The following GPC5 variants were observed in gnomAD, a reference collection of about 807,000 sequenced individuals.
The protein encoded by GPC5 is glypican 5.
Under a neutral mutation model 53.9 loss-of-function variants are expected in GPC5, and 47 were observed. The observed-to-expected ratio is 0.87, with a 90% CI of 0.69 to 1.11. The LOEUF (loss-of-function observed/expected upper bound fraction) is 1.11. GPC5 is among the 50% of genes most tolerant of loss of function. The pLI, the probability that GPC5 is intolerant of heterozygous loss-of-function variation, is 0.00. For missense variants in GPC5, 748 were observed against 713.1 expected (o/e 1.05, Z -0.56); for synonymous variants, 286 against 263.3 (o/e 1.09, Z -0.84).
At chr13:92,317,470 TTTTTTTG>T (rs59169565) in intron 7 of GPC5, among the ~76,000 whole-genome samples, 16 of 151,866 alleles carry the variant, frequency 1.1e-4, no homozygotes, top group African/African-American at 2.7e-4. Context: ...ACCTTTTCCG[TTTTTTTG>T]TTTTTTGTTT....
At chr13:92,174,059 G>A (rs1045487752) in intron 7 of GPC5, among the ~76,000 whole-genome samples, 7 of 152,036 alleles carry the variant, frequency 4.6e-5, no homozygotes, top group Admixed American at 3.9e-4. Context: ...GAGCCAAGGT[G>A]AAACCACTGC....
intron 7 of GPC5, among the ~76,000 whole-genome samples, chr13:92,613,408 T>A (rs373865126): frequency 3.7e-5 from 3 of 80,246 alleles, no homozygotes; most frequent in African/African-American, 9.7e-5. Flanking sequence ...TATATTATAT[T>A]ATATATAAAT....
chr13:91,672,795 C>T (rs1164554120), intron 2 of GPC5, among the ~76,000 whole-genome samples: 1 of 152,180 alleles, frequency 6.6e-6, no homozygotes, highest in Admixed American at 6.5e-5. Context: ...ATGTTTATTG[C>T]AGCACTATTT....
intron 7 of GPC5, among the ~76,000 whole-genome samples, chr13:92,553,862 G>T (rs1403307429): frequency 6.6e-6 from 1 of 151,826 alleles, no homozygotes; most frequent in Non-Finnish European, 1.5e-5. Context: ...TTAACAGTTT[G>T]CCCAATGTAT....
At chr13:92,383,320 GTT>G (rs1236297854) in intron 7 of GPC5, among the ~76,000 whole-genome samples, 2 of 152,130 alleles carry the variant, frequency 1.3e-5, no homozygotes, top group African/African-American at 4.8e-5. Context: ...TATAGTACTT[GTT>G]TTTAAACTAA....
intron 7 of GPC5, among the ~76,000 whole-genome samples, chr13:92,729,324 CTAA>C: frequency 6.6e-6 from 1 of 151,306 alleles, no homozygotes; most frequent in East Asian, 1.9e-4. Flanking sequence ...GTGGTAGCCA[CTAA>C]CTACATATGT....
intron 6 of GPC5, among the ~76,000 whole-genome samples, chr13:92,022,642 G>T (rs1459061612): frequency 6.6e-6 from 1 of 151,646 alleles, no homozygotes; most frequent in Non-Finnish European, 1.5e-5. Context: ...ACTTTTAAAG[G>T]TAAAAGAGTG....
At chr13:91,493,169 C>T (rs188438523) in intron 2 of GPC5, among the ~76,000 whole-genome samples, 97 of 152,260 alleles carry the variant, frequency 6.4e-4, no homozygotes, top group Non-Finnish European at 9.9e-4. Context: ...ATAAGTGCAG[C>T]AGAACAGAGG....
chr13:91,863,135 G>C (rs1254209469), intron 5 of GPC5, among the ~76,000 whole-genome samples: 1 of 149,230 alleles, frequency 6.7e-6, no homozygotes, highest in Admixed American at 6.8e-5. Context: ...GGTTTTCTGA[G>C]ATTTCCTTGT....
chr13:91,957,680 A>G (rs1036701950), intron 6 of GPC5, among the ~76,000 whole-genome samples: 2 of 152,118 alleles, frequency 1.3e-5, no homozygotes, highest in African/African-American at 4.8e-5. Context: ...CTATCAGCCA[A>G]GGATACAGCA....
At position 91,663,504 on chromosome 13, in the gene GPC5, C is replaced by T. The variant is rs755935087; in HGVS notation, c.326-29683C>T. Among the ~76,000 whole-genome samples, 48 of 152,170 alleles carry T rather than the reference C, an allele frequency of 3.2e-4. 1 individual carries two copies. The highest frequency in any genetic ancestry group is 7.9e-4 in the Admixed American group (12 of 15,278). ...ACAGGGTCTCACTCTCTCATTCAGG[C>T]TGGAGTGCAGTGGCATGTTCAAAGC... On this transcript the variant is annotated intron_variant, in intron 2 of 7. Coordinates refer to ENST00000377067, the MANE Select transcript of GPC5 (RefSeq NM_004466.6).
At chr13:92,283,555 G>T (rs1401199676) in intron 7 of GPC5, among the ~76,000 whole-genome samples, 1 of 152,210 alleles carries the variant, frequency 6.6e-6, no homozygotes, top group Non-Finnish European at 1.5e-5. Context: ...TCAGACCACA[G>T]TGCAATCAGA....
intron 6 of GPC5, among the ~76,000 whole-genome samples, chr13:91,926,359 TAAAAAA>T (rs34690525): frequency 2.1e-5 from 2 of 96,320 alleles, no homozygotes; most frequent in African/African-American, 3.9e-5. Context: ...AGACTCCACC[TAAAAAA>T]AAAAAAAAAA....
intron 7 of GPC5, among the ~76,000 whole-genome samples, chr13:92,401,068 A>T (rs1366480368): frequency 6.6e-6 from 1 of 152,140 alleles, no homozygotes; most frequent in Non-Finnish European, 1.5e-5. Context: ...TCTGTTCCCA[A>T]AATGGAGCTT....
intron 1 of GPC5, among the ~76,000 whole-genome samples, chr13:91,447,493 G>A (rs1336787711): frequency 6.6e-6 from 1 of 152,014 alleles, no homozygotes; most frequent in Non-Finnish European, 1.5e-5. Context: ...TCTGTCATTT[G>A]TTATTTGTCT....
chr13:91,792,035 C>T (rs2037973928), intron 5 of GPC5, among the ~76,000 whole-genome samples: 2 of 152,200 alleles, frequency 1.3e-5, no homozygotes, highest in Admixed American at 6.5e-5. Context: ...TGCTTTCAGA[C>T]AGTATCTCAG....
rs144411266 is a variant in GPC5, at chr13:92,825,455, A to T, written c.1562-40827A>T. ...TGCAAATGTTATTAATTCAATTCCC[A>T]TTATGGTCACTTTCATAAGTCCAGG... is the stretch of plus-strand genomic sequence containing the variant. On this transcript the variant is annotated intron_variant, in intron 7 of 7. Coordinates refer to ENST00000377067, the MANE Select transcript of GPC5 (RefSeq NM_004466.6). Among the ~76,000 whole-genome samples, 20 of 152,252 alleles carry T rather than the reference A, an allele frequency of 1.3e-4. No homozygotes were observed. In the East Asian group the frequency reaches 2.5e-3, roughly 19 times the overall value.
rs868260411 is a variant in GPC5 at position 91,501,249 on chromosome 13, T to G, written c.325+52327T>G. On this transcript the variant is annotated intron_variant, in intron 2 of 7. Coordinates refer to ENST00000377067, the MANE Select transcript of GPC5 (RefSeq NM_004466.6). Reference sequence around the variant, plus strand: ...CAGCTCTTAAGACTTTGTTTTTTTTTTTTTTTTTTTTGTAATTTAAGTTTT... The same window carrying G: ...CAGCTCTTAAGACTTTGTTTTTTTTGTTTTTTTTTTTGTAATTTAAGTTTT... Among the ~76,000 whole-genome samples, 413 of 151,754 alleles carry G rather than the reference T, an allele frequency of 2.7e-3. 2 individuals carry two copies. The highest frequency in any genetic ancestry group is 9.4e-3 in the African/African-American group (391 of 41,436).
At chr13:91,709,608 G>A (rs921398697) in intron 3 of GPC5, among the ~76,000 whole-genome samples, 1 of 152,182 alleles carries the variant, frequency 6.6e-6, no homozygotes, top group Non-Finnish European at 1.5e-5. Context: ...TGTAGAAATG[G>A]TTGGGTAACT....
Sources: gnomAD v4.1 joint callset for allele counts (sites outside exome capture counted in the v4.1 genomes callset) on GRCh38, gnomAD v4.1.1 for gene constraint, MANE v1.5 for transcripts, NCBI Gene and HGNC (gene_info 2026-07-23, HGNC 2026-07-21) for gene names.